The following GRAMD4 variants were observed in gnomAD, a reference collection of about 807,000 sequenced individuals.
The protein encoded by GRAMD4 is GRAM domain containing 4.
A neutral mutation model predicts 83.9 loss-of-function variants in GRAMD4; 25 were observed. The observed-to-expected ratio is 0.30, with a 90% confidence interval of 0.22 to 0.42. The LOEUF is 0.42. Ranked by LOEUF, GRAMD4 falls within the 10% of genes least tolerant of loss-of-function variation. GRAMD4 has a pLI of 1.00. For synonymous variants in GRAMD4, 336 were observed against 320.9 expected (o/e 1.05, Z -0.50); for missense variants, 593 against 788.7 (o/e 0.75, Z 2.97).
chr22:46,581,603 A>G (rs2081099465), intron 1 of GRAMD4, among the ~76,000 whole-genome samples: 1 of 152,262 alleles, frequency 6.6e-6, no homozygotes, highest in Admixed American at 6.5e-5. Context: ...GTAAATAGCA[A>G]GATTCGGACA....
rs1314701748 is a variant in GRAMD4 at position 46,679,131 on chromosome 22, A to G, written c.*1880A>G. 26 of 985,498 alleles carry G rather than the reference A, an allele frequency of 2.6e-5. No individual in the cohort carries two copies. The highest frequency in any genetic ancestry group is 3.0e-5 in the Non-Finnish European group (25 of 829,966). 61.0% of individuals were successfully genotyped at this position (985,498 alleles called of 1,614,324 possible). A position where few individuals can be genotyped will look rare whatever the true frequency, so the allele number is the denominator to read the frequency against. On this transcript the variant is annotated 3_prime_UTR_variant, in exon 19 of 19. Transcript: ENST00000406902. ...GCTGCAGAGGCAGTGCCCGCAGACA[A>G]TGGCCACACCTCTCTCCCCAGGGCC...
At chr22:46,634,317 A>G (rs2081825403) in intron 2 of GRAMD4, among the ~76,000 whole-genome samples, 1 of 152,142 alleles carries the variant, frequency 6.6e-6, no homozygotes, top group Admixed American at 6.5e-5. Context: ...GCTAGGTTTG[A>G]CTCAAATGCA....
chr22:46,679,630 T>C lies in GRAMD4; in HGVS notation c.*2379T>C, dbSNP rs1047624338. 3.1e-6 allele frequency: 3 copies of C among 982,842 alleles called. No individual in the cohort carries two copies. Among genetic ancestry groups the C allele is most frequent in the Non-Finnish European group, 3.6e-6 (3 of 827,460 alleles). The allele number at this position is 982,842 out of a possible 1,614,324, so 60.9% of individuals were successfully genotyped here. On this transcript the variant is annotated 3_prime_UTR_variant, in exon 19 of 19. Coordinates refer to ENST00000406902, the MANE Select transcript of GRAMD4 (RefSeq NM_015124.5). ...TGGATCTGTAAATAATCATTGCCAG[T>C]GTGACTTTTGTTCAACAAAAGGATT... is the stretch of plus-strand genomic sequence containing the variant.
At chr22:46,623,180 G>T (rs2081602548) in intron 1 of GRAMD4, among the ~76,000 whole-genome samples, 1 of 152,066 alleles carries the variant, frequency 6.6e-6, no homozygotes, top group Non-Finnish European at 1.5e-5. Context: ...ACGGGGTCCT[G>T]TGTGGGTCCA....
upstream of GRAMD4, among the ~76,000 whole-genome samples, chr22:46,616,406 CTGTG>C (rs1202247948): frequency 1.8e-5 from 2 of 108,948 alleles, 1 homozygote; most frequent in African/African-American, 7.3e-5. Context: ...GTAGGTTCCC[CTGTG>C]CGTGTAGGTT....
chr22:46,615,593 C>T (rs2081472897), upstream of GRAMD4, among the ~76,000 whole-genome samples: 1 of 132,066 alleles, frequency 7.6e-6, no homozygotes, highest in Non-Finnish European at 1.6e-5. Flanking sequence ...GTGTAGGTTC[C>T]CCCGTGTGTA....
chr22:46,646,991 G>A (rs1216318354), intron 3 of GRAMD4, among the ~76,000 whole-genome samples: 2 of 152,164 alleles, frequency 1.3e-5, no homozygotes, highest in African/African-American at 2.4e-5. Flanking sequence ...ATCACAACAA[G>A]AACAGCACAG....
intron 1 of GRAMD4, among the ~76,000 whole-genome samples, chr22:46,583,239 A>G (rs888964175): frequency 1.3e-5 from 2 of 152,204 alleles, no homozygotes; most frequent in African/African-American, 4.8e-5. Context: ...TATTTTTAAA[A>G]AACTGTTTTA....
chr22:46,632,279 A>G (rs1179185931), intron 2 of GRAMD4, among the ~76,000 whole-genome samples: 1 of 152,176 alleles, frequency 6.6e-6, no homozygotes, highest in Non-Finnish European at 1.5e-5. Context: ...AGGTGGCAAG[A>G]AGGAGGTGGG....
rs549571285 is a variant in GRAMD4, at chr22:46,666,881, C to T, written c.858+8C>T. On this transcript the variant is annotated splice_region_variant and intron_variant, in intron 10 of 18. Transcript: ENST00000406902. ...GAAGTGTCTGAGCCCGTGGTAAGTC[C>T]CTGGAGGGTGCACGGTCTCCTCCGA... The T allele has an allele frequency of 1.6e-5, 25 of 1,579,202 alleles. 1 individual carries two copies. The East Asian group carries it at 1.9e-4, about 12-fold the overall frequency.
upstream of GRAMD4, among the ~76,000 whole-genome samples, chr22:46,616,448 G>A (rs2081496141): frequency 7.6e-6 from 1 of 131,276 alleles, no homozygotes. Context: ...CCCTGTGCGT[G>A]TAGGTTCCCC....
intron 1 of GRAMD4, among the ~76,000 whole-genome samples, chr22:46,588,605 G>T (rs1040966746): frequency 1.3e-5 from 2 of 152,222 alleles, no homozygotes; most frequent in African/African-American, 4.8e-5. Flanking sequence ...GAGAATGAGC[G>T]ATCTGAAGAT....
At chr22:46,630,061 G>T (rs1199163756) in intron 2 of GRAMD4, among the ~76,000 whole-genome samples, 1 of 151,296 alleles carries the variant, frequency 6.6e-6, no homozygotes, top group Non-Finnish European at 1.5e-5. Context: ...GTCTCACTCT[G>T]TCACCCAGGC....
rs1277164776 is a variant in GRAMD4, at chr22:46,620,816, G to C, written c.-50+251G>C. On this transcript the variant is annotated intron_variant, in intron 1 of 18. Transcript: ENST00000406902. The surrounding 1 kb of genome is among the most constrained non-coding windows in gnomAD (Gnocchi z 4.7). Reference sequence around the variant, plus strand: ...AGGGTGGAGGCCTCCTGAGAACCTGGCCTGGTCAGGAGGGCCGGCAAGAGG... The same window carrying C: ...AGGGTGGAGGCCTCCTGAGAACCTGCCCTGGTCAGGAGGGCCGGCAAGAGG... Among the ~76,000 whole-genome samples the C allele has an allele frequency of 6.6e-6, 1 of 152,186 alleles. No homozygotes were observed. The highest frequency in any genetic ancestry group is 2.4e-5 in the African/African-American group (1 of 41,454).
chr22:46,609,112 AAAC>A (rs1002174053), intron 1 of GRAMD4, among the ~76,000 whole-genome samples: 3 of 151,124 alleles, frequency 2.0e-5, no homozygotes, highest in African/African-American at 4.9e-5. Context: ...CTAAAAAAAA[AAAC>A]AACAACAACC....
chr22:46,594,772 G>C (rs2081244588), intron 1 of GRAMD4, among the ~76,000 whole-genome samples: 1 of 151,700 alleles, frequency 6.6e-6, no homozygotes, highest in Non-Finnish European at 1.5e-5. Context: ...GGGAGGAGAG[G>C]GTTGGTGCCC....
At chr22:46,592,550 C>T (rs966969308) in intron 1 of GRAMD4, among the ~76,000 whole-genome samples, 3 of 152,082 alleles carry the variant, frequency 2.0e-5, no homozygotes, top group Non-Finnish European at 4.4e-5. Flanking sequence ...CATTCACAGC[C>T]GGGAGGGGCT....
rs114967442 is a variant in GRAMD4, at chr22:46,659,316, A to C, written c.404+1009A>C. 3.2e-3 allele frequency among the ~76,000 whole-genome samples: 431 copies of C among 135,180 alleles called. 2 individuals are homozygous for C. Among genetic ancestry groups the C allele is most frequent in the African/African-American group, 0.011 (409 of 35,700 alleles). The allele number at this position is 135,180 out of a possible 152,430, so 88.7% of individuals were successfully genotyped here. The stretch of plus-strand genomic sequence containing the variant: ...CATCATCTTCAGCCTCCGTCCTCAG[A>C]CTCCACTCCCTCAGCCTCCCCACTC... On this transcript the variant is annotated intron_variant, in intron 4 of 18. Transcript: ENST00000406902. This position sits in a 1 kb window ranked among gnomAD's most constrained non-coding sequence, Gnocchi z 4.1.
At chr22:46,630,107 C>G (rs1395301106) in intron 2 of GRAMD4, among the ~76,000 whole-genome samples, 1 of 151,468 alleles carries the variant, frequency 6.6e-6, no homozygotes, top group Admixed American at 6.6e-5. Context: ...TCACTGCAAC[C>G]TCCACCTCCC....
Sources: gnomAD v4.1 joint callset for allele counts (sites outside exome capture counted in the v4.1 genomes callset) on GRCh38, gnomAD v4.1.1 for gene constraint, Gnocchi (gnomAD v3.1) non-coding constraint, MANE v1.5 for transcripts, NCBI Gene and HGNC (gene_info 2026-07-23, HGNC 2026-07-21) for gene names.